Variants in ADSS1 observed in about 807,000 individuals in gnomAD.
The protein encoded by ADSS1 is adenylosuccinate synthase 1, also known as adenylosuccinate synthetase isozyme 1.
In ADSS1, 57 loss-of-function variants were observed where a neutral mutation model predicts 59.1. The observed-to-expected ratio is 0.97, with a 90% CI of 0.78 to 1.20. The LOEUF is 1.20. Among genes scored for constraint, ADSS1 ranks in the 50% most tolerant of loss-of-function variants. ADSS1 has a pLI of 0.00. For synonymous variants in ADSS1, 247 were observed against 249.4 expected (o/e 0.99, Z 0.09); for missense variants, 603 against 610.3 (o/e 0.99, Z 0.13).
chr14:104,741,700 A>C (rs4983539), intron 8 of ADSS1, 148 bp from the exon 9 acceptor site: 448,919 of 949,908 alleles, frequency 0.47, 108,437 homozygotes, highest in Admixed American at 0.61. Context: ...CGGCCACTCC[A>C]CCAGGACAGG....
chr14:104,742,592 GC>G (rs1313331375), intron 9 of ADSS1, among the ~76,000 whole-genome samples: 1 of 152,272 alleles, frequency 6.6e-6, no homozygotes, highest in African/African-American at 2.4e-5. Context: ...TTGTGCCTGA[GC>G]AGGAGGAAGG....
chr14:104,727,974 C>T (rs958356613), intron 1 of ADSS1, among the ~76,000 whole-genome samples: 2 of 152,250 alleles, frequency 1.3e-5, no homozygotes, highest in Non-Finnish European at 2.9e-5. Context: ...CACTCCCAGC[C>T]TCCCGTGCCC....
At chr14:104,729,152 CAG>C (rs1432849609) in intron 1 of ADSS1, among the ~76,000 whole-genome samples, 1 of 152,100 alleles carries the variant, frequency 6.6e-6, no homozygotes, top group African/African-American at 2.4e-5. Flanking sequence ...ACGCTGTGGC[CAG>C]AGGAGTCATC....
intron 1 of ADSS1, among the ~76,000 whole-genome samples, chr14:104,728,409 C>T (rs970097418): frequency 1.3e-5 from 2 of 152,168 alleles, no homozygotes; most frequent in African/African-American, 4.8e-5. Flanking sequence ...GCAGCTGAGA[C>T]CTGCACACCT....
intron 10 of ADSS1, among the ~76,000 whole-genome samples, chr14:104,743,883 C>T (rs539235133): frequency 1.4e-4 from 21 of 152,376 alleles, no homozygotes; most frequent in African/African-American, 4.3e-4. Flanking sequence ...GCAGGGTTCA[C>T]GGCGCAGCCT....
intron 1 of ADSS1, chr14:104,729,863 C>T (rs1226645253): frequency 1.4e-6 from 2 of 1,414,396 alleles, no homozygotes; most frequent in African/African-American, 3.0e-5. Flanking sequence ...AGCGTGGCGT[C>T]GGCGTCGTGG....
intron 9 of ADSS1, 144 bp downstream of exon 9, chr14:104,742,146 C>T (rs1566801847): frequency 3.2e-6 from 4 of 1,261,274 alleles, no homozygotes; most frequent in Admixed American, 2.3e-5. Flanking sequence ...CGCTTCCTGC[C>T]GTGCAGGCCA....
intron 3 of ADSS1, among the ~76,000 whole-genome samples, 163 bp downstream of exon 3, chr14:104,738,601 A>C (rs1891213246): frequency 1.3e-5 from 2 of 152,250 alleles, no homozygotes; most frequent in African/African-American, 4.8e-5. Context: ...CCCGCGCAGA[A>C]AGCGAGTGAG....
chr14:104,726,944 G>A (rs1004860043), intron 1 of ADSS1, among the ~76,000 whole-genome samples: 1 of 152,226 alleles, frequency 6.6e-6, no homozygotes. Flanking sequence ...TTCCCTGGCT[G>A]CCCAAGCCTC....
At chr14:104,728,760 C>T (rs914775832) in intron 1 of ADSS1, among the ~76,000 whole-genome samples, 6 of 152,212 alleles carry the variant, frequency 3.9e-5, no homozygotes, top group South Asian at 2.1e-4. Context: ...CACTGCCTGG[C>T]GTGAGCTCGC....
chr14:104,741,197 G>C lies in ADSS1; in HGVS notation c.747G>C (p.Lys249Asn). 1 of 1,611,758 alleles carries C rather than the reference G, an allele frequency of 6.2e-7. No individual in the cohort carries two copies. The highest frequency in any genetic ancestry group is 1.1e-5 in the South Asian group (1 of 90,858). ...AGGCACTCCACGGCCCCCCCAAGAA[G>C]ATCCTGGTGGAGGGTGCCAACGCCG... ...MYEALHGPPK[K>N]ILVEGANAAL... Residue 249 changes from lysine to asparagine, a missense_variant, in exon 8 of 13, where the codon AAG becomes AAC. Physicochemically the swap from Lys to Asn is moderately conservative, Grantham distance 94. Transcript: ENST00000330877.
intron 3 of ADSS1, 121 bp downstream of exon 3, chr14:104,738,559 T>C: frequency 2.6e-6 from 3 of 1,133,774 alleles, no homozygotes; most frequent in Non-Finnish European, 3.8e-6. Context: ...GTTCCCAACA[T>C]AGCTGGCCCA....
chr14:104,742,052 A>T (rs530743148), intron 9 of ADSS1, 50 bp downstream of exon 9: 1 of 1,602,006 alleles, frequency 6.2e-7, no homozygotes, highest in South Asian at 1.1e-5. Flanking sequence ...GAGGCCAGGC[A>T]GGGGTGCCGG....
chr14:104,741,169 A>G lies in ADSS1; in HGVS notation c.719A>G (p.Tyr240Cys), dbSNP rs778688160. ...PMVRDGVYFM[Y>C]EALHGPPKKI... The stretch of plus-strand genomic sequence containing the variant: ...GTCCGAGATGGTGTTTACTTTATGT[A>G]TGAGGCACTCCACGGCCCCCCCAAG... The change falls in exon 8 of 13, where the codon TAT becomes TGT. Residue 240 changes from tyrosine (Y) to cysteine (C), a missense_variant. By Grantham distance (194) the Tyr-to-Cys change is radical (BLOSUM62 -2). Transcript: ENST00000330877. 4 of 1,612,454 alleles carry G rather than the reference A, an allele frequency of 2.5e-6. No homozygotes were observed. In the South Asian group the frequency reaches 4.4e-5, roughly 18 times the overall value.
At chr14:104,727,138 C>T (rs1488026013) in intron 1 of ADSS1, among the ~76,000 whole-genome samples, 2 of 152,198 alleles carry the variant, frequency 1.3e-5, no homozygotes, top group Non-Finnish European at 2.9e-5. Context: ...AAGCCCCGCA[C>T]GGCTCGCCTC....
At chr14:104,727,880 T>G (rs1297975194) in intron 1 of ADSS1, among the ~76,000 whole-genome samples, 1 of 152,214 alleles carries the variant, frequency 6.6e-6, no homozygotes, top group Non-Finnish European at 1.5e-5. Flanking sequence ...TCTGCTGCAG[T>G]GCTGACCTCA....
At chr14:104,739,655 G>A (rs1259267649) in intron 4 of ADSS1, 95 bp from the exon 5 acceptor site, 2 of 1,382,844 alleles carry the variant, frequency 1.4e-6, no homozygotes, top group African/African-American at 2.8e-5. Flanking sequence ...CCCTTCCCAG[G>A]AGACTCAGGC....
In ADSS1 at chr14:104,747,147, T is replaced by C. The variant is rs1422716894; in HGVS notation, c.*144T>C. On this transcript the variant is annotated 3_prime_UTR_variant, in exon 13 of 13. Coordinates refer to ENST00000330877, the MANE Select transcript of ADSS1 (RefSeq NM_152328.5). ...TTTATATTTCTGTTCAACCTGTTGG[T>C]TTCTACAATGATTTTAAACATTGGA... is the stretch of plus-strand genomic sequence containing the variant. 2.9e-6 allele frequency: 2 copies of C among 692,390 alleles called. No individual in the cohort carries two copies. The highest frequency in any genetic ancestry group is 4.5e-6 in the Non-Finnish European group (2 of 440,272). 42.9% of individuals were successfully genotyped at this position (692,390 alleles called of 1,614,324 possible). A position where few individuals can be genotyped will look rare whatever the true frequency, so the allele number is the denominator to read the frequency against.
At position 104,747,269 on chromosome 14, in the gene ADSS1, C is replaced by G; in HGVS notation, c.*266C>G. The G allele has an allele frequency of 3.1e-6, 1 of 325,996 alleles. No individual in the cohort carries two copies. Among genetic ancestry groups the G allele is most frequent in the East Asian group, 5.1e-5 (1 of 19,728 alleles). The allele number at this position is 325,996 out of a possible 1,614,324, so 20.2% of individuals were successfully genotyped here. On this transcript the variant is annotated 3_prime_UTR_variant, in exon 13 of 13. Coordinates refer to ENST00000330877, the MANE Select transcript of ADSS1 (RefSeq NM_152328.5). Reference sequence around the variant, plus strand: ...ACATTAGTGTCACATGGTTGCGTGTCCAGCCGAAGCAGTGTAATAAACATC... The same window carrying G: ...ACATTAGTGTCACATGGTTGCGTGTGCAGCCGAAGCAGTGTAATAAACATC...
Sources: allele counts gnomAD v4.1 joint callset (sites outside exome capture counted in the v4.1 genomes callset), GRCh38; gene constraint gnomAD v4.1.1; transcripts MANE v1.5; gene names NCBI Gene and HGNC (gene_info 2026-07-23, HGNC 2026-07-21).